BDP1: variants seen among roughly 807,000 people sequenced by gnomAD.
BDP1 encodes transcription factor TFIIIB component B'' homolog.
BDP1 carries 169 observed loss-of-function variants against 266.6 expected under a neutral mutation model. That is an observed-to-expected ratio of 0.63 (90% confidence interval 0.56 to 0.72). The LOEUF is 0.72. BDP1 is among the 30% of genes least tolerant of loss of function. The pLI is 0.00. For synonymous variants in BDP1, 1,090 were observed against 1,022.4 expected (o/e 1.07, Z -1.26); for missense variants, 3,015 against 3,053.8 (o/e 0.99, Z 0.30).
At chr5:71,550,791 C>T (rs1330520712) in intron 34 of BDP1, among the ~76,000 whole-genome samples, 1 of 152,126 alleles carries the variant, frequency 6.6e-6, no homozygotes, top group African/African-American at 2.4e-5. Context: ...CTGCAACCTC[C>T]ACCTCCCGGG....
chr5:71,532,823 T>C (rs1022215507), intron 26 of BDP1, among the ~76,000 whole-genome samples: 1 of 152,232 alleles, frequency 6.6e-6, no homozygotes, highest in Non-Finnish European at 1.5e-5. Context: ...TTTCTCATTA[T>C]TTAAAGTGCA....
Position 71,458,841 on chromosome 5 carries a change from T to C in BDP1, c.475T>C (p.Leu159=). ...QKLREMLKEE[L]RKEKKQWKNK... ...ACTGAGGGAAATGTTAAAAGAAGAATTGAGAAAAGAGAAGGTAAGGGAGGA... is the reference window on the plus strand; with the variant it reads ...ACTGAGGGAAATGTTAAAAGAAGAACTGAGAAAAGAGAAGGTAAGGGAGGA... The change falls in exon 2 of 39, where the codon TTG becomes CTG. Residue 159 remains leucine, a synonymous_variant. Transcript: ENST00000358731. The C allele has an allele frequency of 6.2e-7, 1 of 1,610,726 alleles. No individual in the cohort carries two copies.
intron 2 of BDP1, among the ~76,000 whole-genome samples, chr5:71,461,549 G>A (rs1167518188): frequency 2.0e-5 from 3 of 152,086 alleles, no homozygotes; most frequent in Non-Finnish European, 4.4e-5. Context: ...AGGAGTTCAA[G>A]GCTGCAGTGA....
chr5:71,468,226 C>G (rs1182757240), intron 6 of BDP1, among the ~76,000 whole-genome samples: 1 of 151,994 alleles, frequency 6.6e-6, no homozygotes, highest in Admixed American at 6.6e-5. Context: ...ATCATGTTGG[C>G]CAGGCTGCTC....
chr5:71,485,168 G>C (rs1403070386), intron 8 of BDP1, among the ~76,000 whole-genome samples: 1 of 152,122 alleles, frequency 6.6e-6, no homozygotes, highest in Non-Finnish European at 1.5e-5. Flanking sequence ...ATCTTAAACA[G>C]GATACAGTGT....
chr5:71,491,710 G>A (rs1258588887), intron 11 of BDP1, among the ~76,000 whole-genome samples: 1 of 150,368 alleles, frequency 6.7e-6, no homozygotes, highest in Non-Finnish European at 1.5e-5. Flanking sequence ...TTCTTTCTTT[G>A]TTTTGTTTTG....
chr5:71,458,844 A>C lies in BDP1; in HGVS notation c.478A>C (p.Arg160=), dbSNP rs1219957305. Residue 160 remains arginine (R), a synonymous_variant, in exon 2 of 39, where the codon AGA becomes CGA. Transcript: ENST00000358731. ...GAGGGAAATGTTAAAAGAAGAATTG[A>C]GAAAAGAGAAGGTAAGGGAGGAGAA... The part of the protein sequence containing the change: ...KLREMLKEEL[R]KEKKQWKNKY... The C allele has an allele frequency of 1.9e-6, 3 of 1,610,410 alleles. No individual in the cohort carries two copies. The highest frequency in any genetic ancestry group is 2.5e-6 in the Non-Finnish European group (3 of 1,179,240).
intron 26 of BDP1, among the ~76,000 whole-genome samples, chr5:71,533,404 A>AG: frequency 6.6e-6 from 1 of 150,610 alleles, no homozygotes; most frequent in Middle Eastern, 3.6e-3. Context: ...GCAGTTTATG[A>AG]GGGTTCCTGT....
At chr5:71,469,700 G>A (rs1158540917) in intron 6 of BDP1, among the ~76,000 whole-genome samples, 1 of 151,780 alleles carries the variant, frequency 6.6e-6, no homozygotes, top group Non-Finnish European at 1.5e-5. Context: ...TGTAACCTCC[G>A]CCTCCCGGGT....
At chr5:71,532,686 ATATAT>A (rs1766320286) in intron 26 of BDP1, among the ~76,000 whole-genome samples, 1 of 152,346 alleles carries the variant, frequency 6.6e-6, no homozygotes, top group Non-Finnish European at 1.5e-5. Flanking sequence ...ACAAGTTAAA[ATATAT>A]TCTGTTGCGT....
intron 10 of BDP1, among the ~76,000 whole-genome samples, chr5:71,490,519 C>T (rs1434746762): frequency 6.6e-6 from 1 of 152,066 alleles, no homozygotes; most frequent in Non-Finnish European, 1.5e-5. Flanking sequence ...GATCTCTGAA[C>T]TCAGGGGGTT....
chr5:71,484,043 A>G (rs542530993), intron 8 of BDP1, 147 bp downstream of exon 8: 11 of 650,194 alleles, frequency 1.7e-5, no homozygotes, highest in African/African-American at 1.3e-4. Flanking sequence ...TCTGTTTAGC[A>G]GTATGGGTCT....
At chr5:71,528,092 A>G (rs1052086089) in intron 25 of BDP1, among the ~76,000 whole-genome samples, 2 of 152,134 alleles carry the variant, frequency 1.3e-5, no homozygotes, top group Non-Finnish European at 1.5e-5. Flanking sequence ...AAGTGCTGGG[A>G]TTACAGGTGT....
At position 71,524,172 on chromosome 5, in the gene BDP1, A is replaced by G; in HGVS notation, c.5621A>G (p.Glu1874Gly). The G allele has an allele frequency of 6.2e-7, 1 of 1,614,226 alleles. No individual in the cohort carries two copies. The highest frequency in any genetic ancestry group is 8.5e-7 in the Non-Finnish European group (1 of 1,180,038). The change falls in exon 25 of 39, where the codon GAA becomes GGA. Residue 1874 changes from glutamate to glycine, a missense_variant. Coordinates refer to ENST00000358731, the MANE Select transcript of BDP1 (RefSeq NM_018429.3). ...MLVTLRASQE[E>G]DDDADDFESD... ...GTGACTCTTCGGGCTTCCCAGGAAGAAGATGATGATGCTGACGATTTTGAG... is the reference window on the plus strand; with the variant it reads ...GTGACTCTTCGGGCTTCCCAGGAAGGAGATGATGATGCTGACGATTTTGAG...
the BDP1 span, among the ~76,000 whole-genome samples, chr5:71,576,353 G>A: frequency 3.0e-4 from 46 of 152,084 alleles, no homozygotes; most frequent in Non-Finnish European, 5.1e-4. Flanking sequence ...TAATTATACC[G>A]CTCCATTGGA....
intron 7 of BDP1, among the ~76,000 whole-genome samples, chr5:71,482,925 G>T (rs1763043961): frequency 6.6e-6 from 1 of 152,150 alleles, no homozygotes; most frequent in South Asian, 2.1e-4. Flanking sequence ...GTCATATCAG[G>T]TTTTAAAAAT....
the BDP1 span, among the ~76,000 whole-genome samples, chr5:71,575,028 G>A: frequency 6.6e-6 from 1 of 152,180 alleles, no homozygotes; most frequent in African/African-American, 2.4e-5. Context: ...GTTCAACAAA[G>A]TGCTGAGATT....
At chr5:71,541,718 AACC>A in intron 29 of BDP1, 36 bp downstream of exon 29, 1 of 1,287,004 alleles carries the variant, frequency 7.8e-7, no homozygotes, top group Non-Finnish European at 1.1e-6. Context: ...ATATTACTAA[AACC>A]ACCATCAAAT....
intron 7 of BDP1, among the ~76,000 whole-genome samples, chr5:71,479,572 A>G (rs1367836733): frequency 1.3e-5 from 2 of 148,768 alleles, no homozygotes; most frequent in East Asian, 4.0e-4. Flanking sequence ...TTTGAGGCGG[A>G]GTCTCGCTCT....
Sources: gnomAD v4.1 joint callset for allele counts (sites outside exome capture counted in the v4.1 genomes callset) on GRCh38, gnomAD v4.1.1 for gene constraint, MANE v1.5 for transcripts, NCBI Gene and HGNC (gene_info 2026-07-23, HGNC 2026-07-21) for gene names.